The following ZNF761 variants were observed in gnomAD, a reference collection of about 807,000 sequenced individuals.
ZNF761 encodes zinc finger protein 761.
ZNF761 carries 43 observed loss-of-function variants against 59.9 expected under a neutral mutation model. The observed-to-expected ratio is 0.72, with a 90% CI of 0.56 to 0.92. The LOEUF (loss-of-function observed/expected upper bound fraction) is 0.92, where lower values mean the gene tolerates loss of function less well. Among genes scored for constraint, ZNF761 ranks in the 40% least tolerant of loss-of-function variants. ZNF761 has a pLI of 0.00. For synonymous variants in ZNF761, 294 were observed against 304.8 expected, an observed-to-expected ratio of 0.96 and a Z score of 0.37; for missense variants, 850 against 906.1, an observed-to-expected ratio of 0.94 and a Z score of 0.79.
At chr19:53,451,472 C>T (rs2147139920) in intron 4 of ZNF761, among the ~76,000 whole-genome samples, 1 of 152,328 alleles carries the variant, frequency 6.6e-6, no homozygotes, top group South Asian at 2.1e-4. Flanking sequence ...GCCTCCTAAA[C>T]TGCTGGATTA....
At chr19:53,447,543 C>A (rs1312647356) in intron 3 of ZNF761, among the ~76,000 whole-genome samples, 5 of 152,064 alleles carry the variant, frequency 3.3e-5, no homozygotes, top group Admixed American at 2.0e-4. Context: ...GGGTGAGGGT[C>A]CCATGGTGTC....
At chr19:53,445,191 A>G (rs975766848) in intron 1 of ZNF761, 1 of 151,802 alleles carries the variant, frequency 6.6e-6, no homozygotes, top group Non-Finnish European at 1.5e-5. Context: ...TCTTAGTTCT[A>G]CAGCTGACCC....
chr19:53,445,902 C>T (rs1410976028), intron 1 of ZNF761, among the ~76,000 whole-genome samples: 1 of 152,152 alleles, frequency 6.6e-6, no homozygotes, highest in East Asian at 1.9e-4. Context: ...AGCCCTGTGA[C>T]CAGGGCCCCT....
intron 1 of ZNF761, chr19:53,445,359 T>C (rs1427688698): frequency 6.6e-6 from 1 of 152,130 alleles, no homozygotes; most frequent in Non-Finnish European, 1.5e-5. Flanking sequence ...TGAAAGATGC[T>C]TCTGTAATTT....
chr19:53,456,935 G>A lies in ZNF761; in HGVS notation c.*187G>A, dbSNP rs2086277936. 23 of 775,064 alleles carry A rather than the reference G, an allele frequency of 3.0e-5. No individual in the cohort carries two copies. In the South Asian group the frequency reaches 3.4e-4, roughly 11 times the overall value. The allele number at this position is 775,064 out of a possible 1,614,324, so 48.0% of individuals were successfully genotyped here. A position where few individuals can be genotyped will look rare whatever the true frequency, so the allele number is the denominator to read the frequency against. On this transcript the variant is annotated 3_prime_UTR_variant, in exon 5 of 5. Transcript: ENST00000684525. ...TGTGAAGAATGTCACAAAGTTTACAGTCGCACATCAAACCGTGAAAGACAG... is the reference window on the plus strand; with the variant it reads ...TGTGAAGAATGTCACAAAGTTTACAATCGCACATCAAACCGTGAAAGACAG...
At chr19:53,453,705 A>G (rs1027145747) in intron 4 of ZNF761, among the ~76,000 whole-genome samples, 3 of 151,876 alleles carry the variant, frequency 2.0e-5, no homozygotes, top group African/African-American at 7.3e-5. Context: ...TTGAAACCCT[A>G]TTTCTACTAA....
intron 1 of ZNF761, among the ~76,000 whole-genome samples, chr19:53,441,382 A>G (rs1426846556): frequency 2.8e-5 from 3 of 106,974 alleles, no homozygotes; most frequent in East Asian, 4.3e-4. Flanking sequence ...TGTTTCTTCA[A>G]TTCTTTATTT....
chr19:53,432,344 C>T (rs562557384), intron 1 of ZNF761, among the ~76,000 whole-genome samples: 1 of 152,322 alleles, frequency 6.6e-6, no homozygotes, highest in East Asian at 1.9e-4. Flanking sequence ...GGTGGATTCT[C>T]GCCTTTGTCG....
rs753085047 is a variant in ZNF761 at position 53,449,619 on chromosome 19, T to C, written c.123T>C (p.Tyr41=). Residue 41 remains tyrosine, a synonymous_variant, in exon 4 of 5, where the codon TAT becomes TAC. Transcript: ENST00000684525. ...ACAGGGACGTGATGCTGGAGAATTA[T>C]AGGAACCTGGTCTCCCTGGGTGAGG... is the stretch of plus-strand genomic sequence containing the variant. The part of the protein sequence containing the change: ...TLYRDVMLEN[Y]RNLVSLDISS... 13 of 1,609,754 alleles carry C rather than the reference T, an allele frequency of 8.1e-6. No homozygotes were observed. The highest frequency in any genetic ancestry group is 6.7e-5 in the East Asian group (3 of 44,856).
Position 53,442,064 on chromosome 19 carries a change from G to A in ZNF761, c.-184-4163G>A, listed in dbSNP as rs567235541. The A allele has an allele frequency of 7.3e-4, 659 of 900,012 alleles. 9 individuals carry two copies. In the African/African-American group the frequency reaches 9.8e-3, roughly 13 times the overall value. 55.8% of individuals were successfully genotyped at this position (900,012 alleles called of 1,614,324 possible). On this transcript the variant is annotated intron_variant, in intron 1 of 4. Coordinates refer to ENST00000684525, the MANE Select transcript of ZNF761 (RefSeq NM_001289951.2). Reference sequence around the variant, plus strand: ...TGAAGAGGAGCTGGACTGTGCTCAGGAGCGCCTGGCCACTGCCCTGCAAAA... The same window carrying A: ...TGAAGAGGAGCTGGACTGTGCTCAGAAGCGCCTGGCCACTGCCCTGCAAAA...
At chr19:53,453,947 A>G (rs996905312) in intron 4 of ZNF761, among the ~76,000 whole-genome samples, 1 of 152,132 alleles carries the variant, frequency 6.6e-6, no homozygotes, top group African/African-American at 2.4e-5. Flanking sequence ...AGGTAATTTT[A>G]TGACAGTTAT....
intron 4 of ZNF761, among the ~76,000 whole-genome samples, chr19:53,453,494 C>T (rs1237703703): frequency 6.6e-6 from 1 of 152,054 alleles, no homozygotes; most frequent in African/African-American, 2.4e-5. Flanking sequence ...TTATGGATTA[C>T]AATATTTTAC....
rs995397940 is a variant in ZNF761 at position 53,436,447 on chromosome 19, G to A, written c.-185+4419G>A. Among the ~76,000 whole-genome samples the A allele has an allele frequency of 3.3e-5, 5 of 152,128 alleles. No homozygotes were observed. In the East Asian group the frequency reaches 5.8e-4, roughly 18 times the overall value. On this transcript the variant is annotated intron_variant, in intron 1 of 4. Coordinates refer to ENST00000684525, the MANE Select transcript of ZNF761 (RefSeq NM_001289951.2). ...ATTTGACTTATGATTAGGGCAGGCC[G>A]ACTGAACAAACTCTAATAAGGTGAA...
At chr19:53,439,760 G>C (rs1195963233) in intron 1 of ZNF761, among the ~76,000 whole-genome samples, 1 of 152,132 alleles carries the variant, frequency 6.6e-6, no homozygotes, top group Admixed American at 6.6e-5. Context: ...GGCAAAAGCA[G>C]AGTGTTCTAA....
chr19:53,454,012 C>T (rs2086242706), intron 4 of ZNF761, among the ~76,000 whole-genome samples: 2 of 151,142 alleles, frequency 1.3e-5, no homozygotes, highest in South Asian at 2.1e-4. Flanking sequence ...CTCACTTTGT[C>T]ACCCAGGCTG....
At chr19:53,450,101 G>C (rs1037023435) in intron 4 of ZNF761, 3 of 317,162 alleles carry the variant, frequency 9.5e-6, no homozygotes, top group Non-Finnish European at 1.7e-5. Context: ...TCAGGCGATC[G>C]AGACCAGCCC....
intron 3 of ZNF761, among the ~76,000 whole-genome samples, chr19:53,447,551 G>A (rs997763182): frequency 1.3e-5 from 2 of 152,276 alleles, no homozygotes; most frequent in South Asian, 2.1e-4. Context: ...GTCCCATGGT[G>A]TCAGTGCTGT....
chr19:53,436,183 T>C (rs1436560973), intron 1 of ZNF761, among the ~76,000 whole-genome samples: 1 of 152,182 alleles, frequency 6.6e-6, no homozygotes, highest in Non-Finnish European at 1.5e-5. Flanking sequence ...CCTGCAAATT[T>C]AACAGCAGTG....
chr19:53,451,621 CA>C (rs1227586458), intron 4 of ZNF761, among the ~76,000 whole-genome samples: 1 of 151,994 alleles, frequency 6.6e-6, no homozygotes, highest in Non-Finnish European at 1.5e-5. Flanking sequence ...CTCGGTCTGT[CA>C]CCCAGGCTGG....
Sources: allele counts gnomAD v4.1 joint callset (sites outside exome capture counted in the v4.1 genomes callset), GRCh38; gene constraint gnomAD v4.1.1; transcripts MANE v1.5; gene names NCBI Gene and HGNC (gene_info 2026-07-23, HGNC 2026-07-21).